The following XKR9 variants were observed in gnomAD, a reference collection of about 807,000 sequenced individuals.
The protein encoded by XKR9 is XK-related protein 9.
A neutral mutation model predicts 32.0 loss-of-function variants in XKR9; 32 were observed. That is an observed-to-expected ratio of 1.00 (90% confidence interval 0.76 to 1.34). The LOEUF (loss-of-function observed/expected upper bound fraction) is 1.34, where lower values mean the gene tolerates loss of function less well. Among genes scored for constraint, XKR9 ranks in the 40% most tolerant of loss-of-function variants. The probability of loss-of-function intolerance (pLI) is 0.00; values close to 1 mark genes in which losing one functional copy is unlikely to be tolerated. For synonymous variants in XKR9, 168 were observed against 143.4 expected (o/e 1.17, Z -1.22); for missense variants, 546 against 429.7 (o/e 1.27, Z -2.39).
chr8:70,756,321 T>C (rs1382384797), intron 2 of XKR9, among the ~76,000 whole-genome samples: 1 of 152,208 alleles, frequency 6.6e-6, no homozygotes, highest in Non-Finnish European at 1.5e-5. Context: ...TTATTATTCA[T>C]TTTCAGCATT....
the XKR9 span, among the ~76,000 whole-genome samples, chr8:70,809,490 T>C: frequency 6.6e-6 from 1 of 152,094 alleles, no homozygotes; most frequent in African/African-American, 2.4e-5. Flanking sequence ...ATGATCATAC[T>C]ACTCTGAGGT....
At chr8:70,963,336 A>G in the XKR9 span, among the ~76,000 whole-genome samples, 2 of 152,190 alleles carry the variant, frequency 1.3e-5, no homozygotes, top group Non-Finnish European at 2.9e-5. Flanking sequence ...CATGGTGTAT[A>G]TGTGCTACAT....
At chr8:70,785,775 G>A (rs796850871) in intron 2 of XKR9, among the ~76,000 whole-genome samples, 1 of 143,302 alleles carries the variant, frequency 7.0e-6, no homozygotes, top group Non-Finnish European at 1.5e-5. Flanking sequence ...GTGTATATAT[G>A]TATATATATA....
chr8:70,987,973 A>C, the XKR9 span, among the ~76,000 whole-genome samples: 1 of 152,102 alleles, frequency 6.6e-6, no homozygotes, highest in East Asian at 1.9e-4. Flanking sequence ...ATCTGATGCC[A>C]TTGCTCGAGC....
chr8:70,870,501 T>C, the XKR9 span, among the ~76,000 whole-genome samples: 2 of 152,198 alleles, frequency 1.3e-5, no homozygotes, highest in African/African-American at 4.8e-5. Context: ...CTTCTTGTTG[T>C]TGTGGTTTGG....
At chr8:71,032,586 T>A in the XKR9 span, among the ~76,000 whole-genome samples, 1 of 152,132 alleles carries the variant, frequency 6.6e-6, no homozygotes, top group Non-Finnish European at 1.5e-5. Flanking sequence ...TAAGGGCTTG[T>A]TAAAAATACA....
chr8:70,939,370 G>A, the XKR9 span, among the ~76,000 whole-genome samples: 1 of 152,034 alleles, frequency 6.6e-6, no homozygotes, highest in Non-Finnish European at 1.5e-5. Flanking sequence ...AGTTTGTTTT[G>A]TACATGAGTA....
the XKR9 span, among the ~76,000 whole-genome samples, chr8:71,041,800 G>T: frequency 1.3e-5 from 2 of 152,010 alleles, no homozygotes; most frequent in African/African-American, 4.8e-5. Flanking sequence ...AAGTTTCCTT[G>T]CTCCCCCTTC....
At chr8:70,757,076 C>A (rs186943436) in intron 2 of XKR9, among the ~76,000 whole-genome samples, 62 of 151,694 alleles carry the variant, frequency 4.1e-4, no homozygotes, top group African/African-American at 1.5e-3. Flanking sequence ...TTTTCAAATT[C>A]TTTTTCTGTG....
chr8:70,733,896 A>C lies in XKR9; in HGVS notation c.594A>C (p.Gly198=). Residue 198 remains glycine (G), a synonymous_variant, in exon 5 of 5, where the codon GGA becomes GGC. Transcript: ENST00000408926. ...KSLPDKKLLN[G]LCPKITYLFY... Reference sequence around the variant, plus strand: ...TGCCTGACAAAAAGCTTCTTAATGGATTATGTCCCAAAATCACATATCTCT... The same window carrying C: ...TGCCTGACAAAAAGCTTCTTAATGGCTTATGTCCCAAAATCACATATCTCT... 1 of 1,612,604 alleles carries C rather than the reference A, an allele frequency of 6.2e-7. No individual in the cohort carries two copies.
chr8:70,949,147 C>A, the XKR9 span, among the ~76,000 whole-genome samples: 1 of 152,074 alleles, frequency 6.6e-6, no homozygotes, highest in Non-Finnish European at 1.5e-5. Context: ...TGGAAAAAAT[C>A]CAGGACATTT....
chr8:70,843,331 G>A, the XKR9 span, among the ~76,000 whole-genome samples: 2 of 152,096 alleles, frequency 1.3e-5, no homozygotes, highest in African/African-American at 4.8e-5. Flanking sequence ...TATTTTAATG[G>A]CAGCTGTATT....
intron 2 of XKR9, among the ~76,000 whole-genome samples, chr8:70,785,883 G>A (rs1392995093): frequency 6.6e-6 from 1 of 151,212 alleles, no homozygotes; most frequent in African/African-American, 2.4e-5. Context: ...GGCTGTAGTG[G>A]CATGATCATA....
chr8:70,750,155 G>T (rs1230701105), intron 2 of XKR9, among the ~76,000 whole-genome samples: 2 of 152,026 alleles, frequency 1.3e-5, no homozygotes, highest in Non-Finnish European at 2.9e-5. Flanking sequence ...GTTAAACAAT[G>T]GTTTTATTTA....
the XKR9 span, among the ~76,000 whole-genome samples, chr8:70,937,268 A>G: frequency 6.6e-6 from 1 of 152,026 alleles, no homozygotes; most frequent in Admixed American, 6.6e-5. Context: ...ATATGTTTTT[A>G]AGAGCCCACA....
chr8:71,059,514 C>T, the XKR9 span, among the ~76,000 whole-genome samples: 2 of 152,282 alleles, frequency 1.3e-5, no homozygotes, highest in African/African-American at 2.4e-5. Flanking sequence ...TAGGAACTGG[C>T]GCTGTGACAA....
chr8:70,954,502 G>A, the XKR9 span, among the ~76,000 whole-genome samples: 1 of 152,198 alleles, frequency 6.6e-6, no homozygotes, highest in African/African-American at 2.4e-5. Flanking sequence ...TTTCAAGGTG[G>A]ATTTGCACAG....
the XKR9 span, among the ~76,000 whole-genome samples, chr8:70,867,646 T>A: frequency 0.32 from 48,244 of 151,858 alleles, 8,989 homozygotes; most frequent in Non-Finnish European, 0.43. Context: ...GAGACGGGAT[T>A]TCACTATGTT....
the XKR9 span, among the ~76,000 whole-genome samples, chr8:70,846,235 T>G: frequency 6.6e-6 from 1 of 152,086 alleles, no homozygotes; most frequent in Non-Finnish European, 1.5e-5. Context: ...CGAAAGAAAG[T>G]CTTTTCTAGA....
Sources: allele counts gnomAD v4.1 joint callset (sites outside exome capture counted in the v4.1 genomes callset), GRCh38; gene constraint gnomAD v4.1.1; transcripts MANE v1.5; gene names NCBI Gene and HGNC (gene_info 2026-07-23, HGNC 2026-07-21).